ATRX: variants seen among roughly 807,000 people sequenced by gnomAD.
The protein encoded by ATRX is ATRX chromatin remodeler, also known as chromatin remodeler ATRX.
Under a neutral mutation model 172.6 loss-of-function variants are expected in ATRX, and 12 were observed. That is an observed-to-expected ratio of 0.07 (90% CI 0.04 to 0.11). ATRX has a LOEUF of 0.11. Ranked by LOEUF, ATRX falls within the 10% of genes least tolerant of loss-of-function variation. The pLI is 1.00. For missense variants in ATRX, 1,368 were observed against 1,767.4 expected, an observed-to-expected ratio of 0.77 and a Z score of 4.05; for synonymous variants, 674 against 594.7, an observed-to-expected ratio of 1.13 and a Z score of -1.94.
intron 1 of ATRX, among the ~76,000 whole-genome samples, chrX:77,741,440 T>TGG (rs1316451927): frequency 1.7e-4 from 17 of 102,051 alleles, no homozygotes; most frequent in African/African-American, 5.9e-4. Context: ...ACCTTTTTTT[T>TGG]GGGGGGGGGA....
intron 2 of ATRX, among the ~76,000 whole-genome samples, chrX:77,714,459 A>C (rs2073271476): frequency 1.8e-5 from 2 of 112,069 alleles, no homozygotes; most frequent in Admixed American, 1.9e-4. Context: ...AGAATACCTT[A>C]GTAATCTCAA....
At chrX:77,697,262 C>T (rs781898271) in intron 4 of ATRX, among the ~76,000 whole-genome samples, 2 of 111,570 alleles carry the variant, frequency 1.8e-5, no homozygotes, top group South Asian at 3.7e-4. Context: ...GCCTCATAGG[C>T]ATTCAACAAT....
At chrX:77,545,594 A>G (rs782786094) in intron 30 of ATRX, among the ~76,000 whole-genome samples, 5 of 111,558 alleles carry the variant, frequency 4.5e-5, no homozygotes, top group Admixed American at 1.9e-4. Flanking sequence ...GAATTAGGAG[A>G]TAAGACTGAG....
At chrX:77,551,247 G>A (rs1178545812) in intron 30 of ATRX, among the ~76,000 whole-genome samples, 1 of 111,729 alleles carries the variant, frequency 9.0e-6, no homozygotes, top group Non-Finnish European at 1.9e-5. Flanking sequence ...AAAACAGCAT[G>A]GTACTGGTAC....
intron 1 of ATRX, among the ~76,000 whole-genome samples, chrX:77,762,758 G>C (rs2075767339): frequency 1.8e-5 from 2 of 111,081 alleles, no homozygotes; most frequent in African/African-American, 6.5e-5. Flanking sequence ...GTTAAAGGTA[G>C]AATCTAGATG....
intron 1 of ATRX, among the ~76,000 whole-genome samples, chrX:77,767,495 A>C (rs1431113901): frequency 9.1e-6 from 1 of 109,859 alleles, no homozygotes; most frequent in East Asian, 2.9e-4. Context: ...TCCTGGGTTC[A>C]AGCAATTCTC....
chrX:77,653,990 A>G, intron 14 of ATRX, 108 bp downstream of exon 14: 2 of 621,698 alleles, frequency 3.2e-6, no homozygotes, highest in Non-Finnish European at 5.2e-6. Flanking sequence ...TAAAATGTAA[A>G]TAAGCCAGTA....
At chrX:77,567,016 A>C (rs1170131422) in intron 28 of ATRX, among the ~76,000 whole-genome samples, 7 of 111,486 alleles carry the variant, frequency 6.3e-5, no homozygotes, top group Non-Finnish European at 1.3e-4. Flanking sequence ...ACATCAATTA[A>C]ACTGGCAAAA....
intron 22 of ATRX, among the ~76,000 whole-genome samples, chrX:77,610,777 C>T (rs1334028202): frequency 9.3e-6 from 1 of 107,986 alleles, no homozygotes; most frequent in East Asian, 2.9e-4. Context: ...AATGTATCTT[C>T]CTGCATGGTA....
chrX:77,658,001 G>A (rs1209963883), intron 12 of ATRX, among the ~76,000 whole-genome samples: 1 of 111,076 alleles, frequency 9.0e-6, no homozygotes, highest in South Asian at 3.8e-4. Flanking sequence ...TTGAGCCCAC[G>A]AATTTGAGAC....
At chrX:77,707,217 G>A (rs1248703755) in intron 2 of ATRX, among the ~76,000 whole-genome samples, 1 of 112,118 alleles carries the variant, frequency 8.9e-6, no homozygotes, top group Non-Finnish European at 1.9e-5. Context: ...GGAGAGGGAA[G>A]ATTGGGGAGT....
At chrX:77,715,156 A>G (rs1206527385) in intron 2 of ATRX, among the ~76,000 whole-genome samples, 1 of 111,708 alleles carries the variant, frequency 9.0e-6, no homozygotes, top group African/African-American at 3.3e-5. Context: ...ATACAGTTCT[A>G]TGCTGGCAAT....
chrX:77,745,288 C>T (rs1218371811), intron 1 of ATRX, among the ~76,000 whole-genome samples: 1 of 110,242 alleles, frequency 9.1e-6, no homozygotes, highest in African/African-American at 3.3e-5. Flanking sequence ...TCTGCACTCC[C>T]ATGATTACTG....
chrX:77,561,166 G>A (rs1038313520), intron 28 of ATRX, among the ~76,000 whole-genome samples: 8 of 110,187 alleles, frequency 7.3e-5, no homozygotes, highest in Non-Finnish European at 1.5e-4. Flanking sequence ...TTCATTAGAG[G>A]ACATACTTGA....
At chrX:77,736,321 C>A (rs922532499) in intron 1 of ATRX, among the ~76,000 whole-genome samples, 4 of 112,165 alleles carry the variant, frequency 3.6e-5, no homozygotes, top group African/African-American at 1.3e-4. Context: ...ATCCATCTAA[C>A]AAGCGATTAA....
At chrX:77,559,736 C>T (rs2064949531) in intron 28 of ATRX, among the ~76,000 whole-genome samples, 1 of 110,254 alleles carries the variant, frequency 9.1e-6, no homozygotes, top group Non-Finnish European at 1.9e-5. Flanking sequence ...GGATTACAGA[C>T]ATGTGCTACC....
intron 34 of ATRX, 86 bp from the exon 35 acceptor site, chrX:77,508,715 G>A (rs2062767891): frequency 2.9e-6 from 3 of 1,027,398 alleles, no homozygotes; most frequent in Non-Finnish European, 4.1e-6. Flanking sequence ...AATTTGTTAA[G>A]GGGGTACCAT....
chrX:77,730,555 T>C (rs1280434891), intron 1 of ATRX, among the ~76,000 whole-genome samples: 2 of 112,123 alleles, frequency 1.8e-5, no homozygotes, highest in Non-Finnish European at 3.8e-5. Context: ...CCTCAGCCCA[T>C]GGATTATTCT....
At chrX:77,614,724 A>G (rs1557095791) in intron 22 of ATRX, among the ~76,000 whole-genome samples, 1 of 111,559 alleles carries the variant, frequency 9.0e-6, no homozygotes, top group African/African-American at 3.3e-5. Flanking sequence ...TATGTTGGAA[A>G]CATTTCGAGT....
Sources: gnomAD v4.1 joint callset for allele counts (sites outside exome capture counted in the v4.1 genomes callset) on GRCh38, gnomAD v4.1.1 for gene constraint, MANE v1.5 for transcripts, NCBI Gene and HGNC (gene_info 2026-07-23, HGNC 2026-07-21) for gene names.